The following ZDHHC13 variants were observed in gnomAD, a reference collection of about 807,000 sequenced individuals.
ZDHHC13 encodes palmitoyltransferase ZDHHC13.
ZDHHC13 carries 85 observed loss-of-function variants against 86.0 expected under a neutral mutation model. That is an observed-to-expected ratio of 0.99 (90% CI 0.83 to 1.18). The LOEUF (loss-of-function observed/expected upper bound fraction) is 1.18. ZDHHC13 is among the 50% of genes most tolerant of loss of function. The pLI is 0.00. For synonymous variants in ZDHHC13, 263 were observed against 246.4 expected, an observed-to-expected ratio of 1.07 and a Z score of -0.63; for missense variants, 711 against 730.2, an observed-to-expected ratio of 0.97 and a Z score of 0.30.
Position 19,159,004 on chromosome 11 carries a change from T to A in ZDHHC13, c.1072T>A (p.Trp358Arg). 4 of 1,549,378 alleles carry A rather than the reference T, an allele frequency of 2.6e-6. No individual in the cohort carries two copies. Among genetic ancestry groups the A allele is most frequent in the Non-Finnish European group, 2.6e-6 (3 of 1,146,050 alleles). The change falls in exon 10 of 17, where the codon TGG (tryptophan) becomes AGG (arginine). Residue 358 changes from tryptophan (W) to arginine (R), a missense_variant. Physicochemically the swap from Trp to Arg is moderately radical, Grantham distance 101 (BLOSUM62 -3). Transcript: ENST00000446113. Reference sequence around the variant, plus strand: ...AGCCTTTCTGCTAAGTTCTGTTTTTTGGATATTTATGACTTGGTTCATCTT... The same window carrying A: ...AGCCTTTCTGCTAAGTTCTGTTTTTAGGATATTTATGACTTGGTTCATCTT... Reference protein sequence around the residue: ...PTAFLLSSVFWIFMTWFILFF... With the variant: ...PTAFLLSSVFRIFMTWFILFF...
Position 19,172,732 on chromosome 11 carries a change from C to A in ZDHHC13, c.1642C>A (p.Leu548Met). The change falls in exon 16 of 17, where the codon CTG becomes ATG. Residue 548 changes from leucine (L) to methionine (M), a missense_variant. Coordinates refer to ENST00000446113, the MANE Select transcript of ZDHHC13 (RefSeq NM_019028.3). ...LLNQLFQIAF[L>M]GLTSHERISL... ...CACCCTTCTTTTTCAGATTGCCTTT[C>A]TGGGCCTGACCTCCCATGAGAGAAT... 2.5e-6 allele frequency: 4 copies of A among 1,598,834 alleles called. No individual in the cohort carries two copies. The highest frequency in any genetic ancestry group is 2.6e-6 in the Non-Finnish European group (3 of 1,172,724).
At position 19,176,172 on chromosome 11, in the gene ZDHHC13, T is replaced by TAAA; in HGVS notation, c.*220_*222dup. 2.8e-6 allele frequency: 1 copy of TAAA among 354,504 alleles called. No individual in the cohort carries two copies. The highest frequency in any genetic ancestry group is 2.2e-5 in the African/African-American group (1 of 46,182). 22.0% of individuals were successfully genotyped at this position (354,504 alleles called of 1,614,324 possible). On this transcript the variant is annotated 3_prime_UTR_variant, in exon 17 of 17. Coordinates refer to ENST00000446113, the MANE Select transcript of ZDHHC13 (RefSeq NM_019028.3). The stretch of plus-strand genomic sequence containing the variant: ...TTTCTGATAAATCTTGGCAGACATC[T>TAAA]AAAAAAAAAACCATATTTTTCACAA...
rs115469411 is a variant in ZDHHC13 at position 19,127,398 on chromosome 11, A to G, written c.27+10122A>G. Among the ~76,000 whole-genome samples the G allele has an allele frequency of 6.8e-3, 1,042 of 152,138 alleles. 9 individuals carry two copies. Among genetic ancestry groups the G allele is most frequent in the African/African-American group, 0.024 (985 of 41,520 alleles). On this transcript the variant is annotated intron_variant, in intron 1 of 16. Coordinates refer to ENST00000446113, the MANE Select transcript of ZDHHC13 (RefSeq NM_019028.3). ...CAAATATTGTCTCCCATTTTGTAGG[A>G]TGTCTGTTTACTCTGTTGATAGTTT...
intron 1 of ZDHHC13, among the ~76,000 whole-genome samples, chr11:19,128,286 G>C (rs1848919400): frequency 6.6e-6 from 1 of 152,086 alleles, no homozygotes; most frequent in Non-Finnish European, 1.5e-5. Context: ...AACGATTTTT[G>C]TATGTTGATT....
In ZDHHC13 at chr11:19,146,236, CAACCAGA is replaced by C; in HGVS notation, c.230_236del (p.Gln77LeufsTer20). 6.2e-7 allele frequency: 1 copy of C among 1,612,132 alleles called. No individual in the cohort carries two copies. The highest frequency in any genetic ancestry group is 1.1e-5 in the South Asian group (1 of 90,750). ...GGTAGAAGCAGGATATGATGTCAGGCAACCAGATAAAGAAAATGTGTCGCTTCTTCAT... is the reference window on the plus strand; with the variant it reads ...GGTAGAAGCAGGATATGATGTCAGGCTAAAGAAAATGTGTCGCTTCTTCAT... On this transcript the variant is annotated frameshift_variant, in exon 3 of 17. Transcript: ENST00000446113. LOFTEE classifies it high-confidence loss of function.
chr11:19,145,600 C>T (rs1199907948), intron 2 of ZDHHC13, among the ~76,000 whole-genome samples: 1 of 152,190 alleles, frequency 6.6e-6, no homozygotes, highest in Non-Finnish European at 1.5e-5. Context: ...GCTTTTATTT[C>T]TCTGAACATC....
intron 4 of ZDHHC13, 98 bp downstream of exon 4, chr11:19,147,771 TTCC>T: frequency 1.9e-6 from 1 of 527,236 alleles, no homozygotes; most frequent in South Asian, 3.7e-5. Context: ...CTGTCTTTTC[TTCC>T]CCCCCCCCCT....
In ZDHHC13 at chr11:19,176,029, GAAGTA is replaced by G. The variant is rs1565047067; in HGVS notation, c.*73_*77del. ...TGTCGATGCCCTGTAGTTTGAAAGTGAAGTAAAGATTTAGAATTCACCTAAGTCCA... is the reference window on the plus strand; with the variant it reads ...TGTCGATGCCCTGTAGTTTGAAAGTGAAGATTTAGAATTCACCTAAGTCCA... On this transcript the variant is annotated 3_prime_UTR_variant, in exon 17 of 17. Transcript: ENST00000446113. 4 of 1,501,032 alleles carry G rather than the reference GAAGTA, an allele frequency of 2.7e-6. No individual in the cohort carries two copies. Among genetic ancestry groups the G allele is most frequent in the African/African-American group, 1.4e-5 (1 of 69,962 alleles). The allele number at this position is 1,501,032 out of a possible 1,614,324, so 93.0% of individuals were successfully genotyped here.
intron 9 of ZDHHC13, 102 bp downstream of exon 9, chr11:19,156,031 A>G: frequency 7.3e-7 from 1 of 1,368,688 alleles, no homozygotes; most frequent in East Asian, 2.5e-5. Flanking sequence ...TCATGCTGTA[A>G]ATATTACTTA....
intron 1 of ZDHHC13, among the ~76,000 whole-genome samples, chr11:19,135,971 G>A (rs1443776022): frequency 6.6e-6 from 1 of 152,152 alleles, no homozygotes; most frequent in African/African-American, 2.4e-5. Flanking sequence ...CAAAGATGGG[G>A]AAAAAACAGA....
chr11:19,146,980 T>C (rs1035146361), intron 3 of ZDHHC13, among the ~76,000 whole-genome samples: 3 of 152,140 alleles, frequency 2.0e-5, no homozygotes, highest in African/African-American at 7.2e-5. Flanking sequence ...TTAGATAATA[T>C]GATGTATGAA....
Position 19,154,919 on chromosome 11 carries a change from C to T in ZDHHC13, c.874-877C>T, listed in dbSNP as rs77597859. 6.8e-3 allele frequency among the ~76,000 whole-genome samples: 1,041 copies of T among 152,290 alleles called. 8 individuals carry two copies. The highest frequency in any genetic ancestry group is 0.024 in the African/African-American group (982 of 41,558). ...TGTTATTCACTCACGGCTTTACCACCTATGTACTGATAAATTTCAAGTCTT... is the reference window on the plus strand; with the variant it reads ...TGTTATTCACTCACGGCTTTACCACTTATGTACTGATAAATTTCAAGTCTT... On this transcript the variant is annotated intron_variant, in intron 8 of 16. Coordinates refer to ENST00000446113, the MANE Select transcript of ZDHHC13 (RefSeq NM_019028.3).
chr11:19,132,920 C>T (rs909969691), intron 1 of ZDHHC13, among the ~76,000 whole-genome samples: 2 of 152,088 alleles, frequency 1.3e-5, no homozygotes, highest in Admixed American at 6.6e-5. Flanking sequence ...TCCCATCATG[C>T]ACAGAAGTAG....
chr11:19,159,887 C>T (rs55794144), intron 10 of ZDHHC13, among the ~76,000 whole-genome samples: 9,091 of 151,874 alleles, frequency 0.06, 410 homozygotes, highest in Middle Eastern at 0.092. Context: ...TGCCAGACTC[C>T]CTTCTCCCCT....
intron 2 of ZDHHC13, among the ~76,000 whole-genome samples, chr11:19,144,350 A>G (rs945908746): frequency 4.6e-5 from 7 of 151,716 alleles, no homozygotes; most frequent in African/African-American, 1.7e-4. Flanking sequence ...CTTTCCTAAA[A>G]TTTTCTTCAG....
intron 1 of ZDHHC13, among the ~76,000 whole-genome samples, chr11:19,130,565 T>C (rs1275101384): frequency 6.6e-6 from 1 of 152,216 alleles, no homozygotes; most frequent in East Asian, 1.9e-4. Context: ...GAATTCCTTC[T>C]ATTTTTATAT....
In ZDHHC13 at chr11:19,159,037, C is replaced by T. The variant is rs866179701; in HGVS notation, c.1105C>T (p.Pro369Ser). Residue 369 changes from proline (P) to serine (S), a missense_variant, in exon 10 of 17, where the codon CCT (proline) becomes TCT (serine). Transcript: ENST00000446113. The stretch of plus-strand genomic sequence containing the variant: ...TATGACTTGGTTCATCTTATTTTTT[C>T]CTGATATCCTTTAAGCATCAATTTT... Reference protein sequence around the residue: ...IFMTWFILFFPDLAGAPFYFS... With the variant: ...IFMTWFILFFSDLAGAPFYFS... The T allele has an allele frequency of 1.9e-6, 3 of 1,539,718 alleles. No individual in the cohort carries two copies. Among genetic ancestry groups the T allele is most frequent in the African/African-American group, 2.8e-5 (2 of 72,562 alleles).
At chr11:19,151,444 G>T (rs1051734492) in intron 6 of ZDHHC13, among the ~76,000 whole-genome samples, 2 of 151,986 alleles carry the variant, frequency 1.3e-5, no homozygotes, top group Non-Finnish European at 2.9e-5. Flanking sequence ...TCTAGGAACT[G>T]TGTTAGTTCT....
At chr11:19,157,563 CT>C (rs1358616494) in intron 9 of ZDHHC13, among the ~76,000 whole-genome samples, 2 of 152,144 alleles carry the variant, frequency 1.3e-5, no homozygotes, top group Non-Finnish European at 2.9e-5. Context: ...AAATTGTCTG[CT>C]ATTCAGACAA....
Sources: allele counts gnomAD v4.1 joint callset (sites outside exome capture counted in the v4.1 genomes callset), GRCh38; gene constraint gnomAD v4.1.1; transcripts MANE v1.5; gene names NCBI Gene and HGNC (gene_info 2026-07-23, HGNC 2026-07-21).